Variants in FBXL17 observed in about 807,000 individuals in gnomAD.
FBXL17 encodes F-box/LRR-repeat protein 17.
Under a neutral mutation model 66.2 loss-of-function variants are expected in FBXL17, and 22 were observed. The ratio of observed to expected loss-of-function variants is 0.33; its 90% confidence interval spans 0.24 to 0.47. The LOEUF is 0.47. FBXL17 is among the 20% of genes least tolerant of loss of function. The probability of loss-of-function intolerance (pLI) is 1.00; values close to 1 mark genes in which losing one functional copy is unlikely to be tolerated. For missense variants in FBXL17, 878 were observed against 948.2 expected, an observed-to-expected ratio of 0.93 and a Z score of 0.97; for synonymous variants, 474 against 400.5, an observed-to-expected ratio of 1.18 and a Z score of -2.19.
At chr5:107,951,841 T>G (rs766651015) in intron 7 of FBXL17, among the ~76,000 whole-genome samples, 35 of 152,308 alleles carry the variant, frequency 2.3e-4, no homozygotes, top group Non-Finnish European at 4.7e-4. Flanking sequence ...AGATCAACAG[T>G]AGCAACAAAA....
At chr5:108,122,801 C>T (rs1021084553) in intron 6 of FBXL17, among the ~76,000 whole-genome samples, 3 of 152,118 alleles carry the variant, frequency 2.0e-5, no homozygotes, top group African/African-American at 4.8e-5. Context: ...ACTGCCTCTG[C>T]CTCTTCCTAT....
intron 6 of FBXL17, among the ~76,000 whole-genome samples, chr5:108,116,333 C>T (rs757413317): frequency 2.6e-5 from 4 of 151,798 alleles, no homozygotes; most frequent in African/African-American, 7.3e-5. Context: ...TAATTCAAAT[C>T]GGGCAATTAA....
intron 3 of FBXL17, among the ~76,000 whole-genome samples, chr5:108,361,504 G>A (rs540352862): frequency 3.9e-5 from 6 of 152,114 alleles, no homozygotes; most frequent in East Asian, 1.9e-4. Flanking sequence ...TTCTTAGGTC[G>A]TTCCTGAACA....
chr5:108,248,533 G>A (rs1022733093), intron 4 of FBXL17, among the ~76,000 whole-genome samples: 24 of 151,930 alleles, frequency 1.6e-4, no homozygotes, highest in African/African-American at 4.3e-4. Context: ...GGACTAAAAC[G>A]GTATTTAAAG....
At chr5:107,865,982 C>T (rs998604748) in intron 8 of FBXL17, among the ~76,000 whole-genome samples, 1 of 152,152 alleles carries the variant, frequency 6.6e-6, no homozygotes, top group Non-Finnish European at 1.5e-5. Flanking sequence ...CACATTCCTG[C>T]AGATATTTTG....
intron 6 of FBXL17, among the ~76,000 whole-genome samples, chr5:108,073,805 T>G (rs1008836971): frequency 6.6e-6 from 1 of 152,164 alleles, no homozygotes; most frequent in Non-Finnish European, 1.5e-5. Context: ...TCTCACCATG[T>G]GATAAACTGG....
chr5:108,220,764 T>C (rs573001306), intron 5 of FBXL17, among the ~76,000 whole-genome samples: 1 of 152,296 alleles, frequency 6.6e-6, no homozygotes, highest in South Asian at 2.1e-4. Context: ...GGTCCCACAG[T>C]CTAAACACTG....
At chr5:107,938,679 T>C (rs913872545) in intron 7 of FBXL17, among the ~76,000 whole-genome samples, 1 of 152,134 alleles carries the variant, frequency 6.6e-6, no homozygotes, top group African/African-American at 2.4e-5. Context: ...TTAGTGGTGA[T>C]ATATTAGTAT....
intron 7 of FBXL17, among the ~76,000 whole-genome samples, chr5:107,966,995 TG>T (rs1464702522): frequency 6.6e-6 from 1 of 152,100 alleles, no homozygotes; most frequent in Non-Finnish European, 1.5e-5. Context: ...CTTTTAAAGA[TG>T]GGACAACTCT....
intron 7 of FBXL17, among the ~76,000 whole-genome samples, chr5:107,964,213 T>C (rs1752030046): frequency 6.6e-6 from 1 of 152,134 alleles, no homozygotes; most frequent in Admixed American, 6.6e-5. Context: ...ATGGATAATT[T>C]TGCCCAAAGA....
rs1407085108 is a variant in FBXL17 at position 108,000,531 on chromosome 5, A to T, written c.1822+20394T>A. On this transcript the variant is annotated intron_variant, in intron 7 of 8. Transcript: ENST00000542267. The stretch of plus-strand genomic sequence containing the variant: ...ATAACAATATTTTACAAATGACAAT[A>T]GATATCTGATGACTGCAAAAATTTA... Among the ~76,000 whole-genome samples, 3 of 152,254 alleles carry T rather than the reference A, an allele frequency of 2.0e-5. No homozygotes were observed. In the East Asian group the frequency reaches 5.8e-4, roughly 29 times the overall value.
chr5:107,921,935 G>A (rs181523751), intron 7 of FBXL17, among the ~76,000 whole-genome samples: 183 of 152,284 alleles, frequency 1.2e-3, no homozygotes, highest in Non-Finnish European at 2.3e-3. Flanking sequence ...AGACTGAAAC[G>A]TGGATACCAA....
intron 7 of FBXL17, among the ~76,000 whole-genome samples, chr5:107,911,262 A>G (rs533462777): frequency 3.9e-5 from 6 of 152,248 alleles, no homozygotes; most frequent in South Asian, 4.1e-4. Flanking sequence ...GAGAAGTGCT[A>G]TATCTAATCA....
intron 8 of FBXL17, among the ~76,000 whole-genome samples, chr5:107,868,912 T>C (rs1296272168): frequency 7.8e-6 from 1 of 128,222 alleles, no homozygotes; most frequent in African/African-American, 3.5e-5. Context: ...ACTCATCATT[T>C]GTAAGCTATG....
At chr5:108,339,947 G>T (rs895110846) in intron 4 of FBXL17, among the ~76,000 whole-genome samples, 6 of 152,020 alleles carry the variant, frequency 3.9e-5, no homozygotes, top group African/African-American at 1.4e-4. Context: ...AGGTAAATCT[G>T]CTGGGTAAAA....
intron 6 of FBXL17, among the ~76,000 whole-genome samples, chr5:108,172,865 A>G (rs569265674): frequency 6.6e-6 from 1 of 152,242 alleles, no homozygotes; most frequent in South Asian, 2.1e-4. Context: ...CAATGGTGCA[A>G]TCTCGGCTCA....
At chr5:107,938,355 A>G (rs750194589) in intron 7 of FBXL17, among the ~76,000 whole-genome samples, 4 of 152,120 alleles carry the variant, frequency 2.6e-5, no homozygotes, top group Non-Finnish European at 5.9e-5. Flanking sequence ...AAAACGGGGT[A>G]GCTCATACTG....
chr5:108,133,877 A>G (rs553908591), intron 6 of FBXL17, among the ~76,000 whole-genome samples: 1 of 152,296 alleles, frequency 6.6e-6, no homozygotes, highest in East Asian at 1.9e-4. Flanking sequence ...AACATTCAGC[A>G]GAAGTCCAAT....
intron 3 of FBXL17, among the ~76,000 whole-genome samples, chr5:108,360,086 G>GT (rs931116508): frequency 2.6e-5 from 4 of 151,946 alleles, no homozygotes; most frequent in African/African-American, 7.2e-5. Flanking sequence ...TTAAAACCTG[G>GT]TTTTTTTGGA....
Sources: gnomAD v4.1 joint callset for allele counts (sites outside exome capture counted in the v4.1 genomes callset) on GRCh38, gnomAD v4.1.1 for gene constraint, MANE v1.5 for transcripts, NCBI Gene and HGNC (gene_info 2026-07-23, HGNC 2026-07-21) for gene names.